Variants in AQR observed in about 807,000 individuals in gnomAD.
AQR encodes aquarius intron-binding spliceosomal factor.
A neutral mutation model predicts 180.5 loss-of-function variants in AQR; 61 were observed. That is an observed-to-expected ratio of 0.34 (90% CI 0.28 to 0.42). The LOEUF (loss-of-function observed/expected upper bound fraction) is 0.42, where lower values mean the gene tolerates loss of function less well. Ranked by LOEUF, AQR falls within the 10% of genes least tolerant of loss-of-function variation. The pLI is 1.00. For synonymous variants in AQR, 551 were observed against 588.8 expected (o/e 0.94, Z 0.93); for missense variants, 1,281 against 1,798.3 (o/e 0.71, Z 5.20).
intron 2 of AQR, among the ~76,000 whole-genome samples, chr15:34,963,551 C>A (rs967862193): frequency 6.6e-6 from 1 of 151,852 alleles, no homozygotes; most frequent in African/African-American, 2.4e-5. Context: ...ACAAAAATTT[C>A]TGTATATTTA....
chr15:34,940,804 C>T (rs1894011900), intron 8 of AQR, 95 bp downstream of exon 8: 11 of 877,064 alleles, frequency 1.3e-5, no homozygotes, highest in Non-Finnish European at 1.8e-5. Context: ...TTGCACTCAG[C>T]ACTATATAAA....
chr15:34,961,870 T>C (rs1428230409), intron 2 of AQR, among the ~76,000 whole-genome samples: 1 of 151,900 alleles, frequency 6.6e-6, no homozygotes, highest in Admixed American at 6.6e-5. Flanking sequence ...ATATAAACAA[T>C]TAGTACAAAT....
At chr15:34,873,119 G>A (rs935651091) in intron 30 of AQR, among the ~76,000 whole-genome samples, 6 of 151,850 alleles carry the variant, frequency 4.0e-5, no homozygotes, top group African/African-American at 1.5e-4. Flanking sequence ...ATGTAATAAT[G>A]CAATTAATCC....
chr15:34,863,134 G>A (rs1892695360), intron 32 of AQR, 93 bp from the exon 33 acceptor site: 2 of 1,170,176 alleles, frequency 1.7e-6, no homozygotes, highest in Admixed American at 2.8e-5. Context: ...AGATAGTCCT[G>A]TTAAGCCCTG....
At chr15:34,947,600 G>C (rs1894150517) in intron 5 of AQR, among the ~76,000 whole-genome samples, 1 of 149,888 alleles carries the variant, frequency 6.7e-6, no homozygotes, top group African/African-American at 2.5e-5. Context: ...TGTGAAAAAA[G>C]ACACTGAAAA....
intron 15 of AQR, among the ~76,000 whole-genome samples, chr15:34,918,032 A>G (rs1393751088): frequency 1.3e-5 from 2 of 152,040 alleles, no homozygotes; most frequent in East Asian, 1.9e-4. Flanking sequence ...TTATGGTCGT[A>G]TTTTTTACAG....
At position 34,879,849 on chromosome 15, in the gene AQR, A is replaced by T. The variant is rs568310892; in HGVS notation, c.3165+2653T>A. On this transcript the variant is annotated intron_variant, in intron 27 of 34. Transcript: ENST00000156471. ...AGTTAAGAGGGTGGGATCAGAAATG[A>T]GCACCACACAGAAAGTGGGAATTAT... Among the ~76,000 whole-genome samples the T allele has an allele frequency of 6.6e-5, 10 of 152,294 alleles. No homozygotes were observed. The South Asian group carries it at 1.7e-3, about 25-fold the overall frequency.
At chr15:34,953,665 C>T (rs190549389) in intron 3 of AQR, among the ~76,000 whole-genome samples, 1 of 152,322 alleles carries the variant, frequency 6.6e-6, no homozygotes, top group Non-Finnish European at 1.5e-5. Flanking sequence ...AGCCAAGATG[C>T]TAAGTGGATA....
At chr15:34,884,469 A>C (rs765461081) in intron 26 of AQR, 56 bp downstream of exon 26, 14 of 1,379,406 alleles carry the variant, frequency 1.0e-5, no homozygotes, top group Non-Finnish European at 1.4e-5. Flanking sequence ...TCAAAAAAAA[A>C]CTAAACTAAA....
chr15:34,924,097 T>G (rs1468941721), intron 13 of AQR, among the ~76,000 whole-genome samples: 1 of 152,198 alleles, frequency 6.6e-6, no homozygotes, highest in Non-Finnish European at 1.5e-5. Flanking sequence ...CTTCCTTACA[T>G]GGTTTCAGAT....
intron 25 of AQR, among the ~76,000 whole-genome samples, chr15:34,885,517 T>C (rs1045482535): frequency 2.0e-5 from 3 of 152,206 alleles, no homozygotes; most frequent in Non-Finnish European, 4.4e-5. Context: ...TTTCCTGATA[T>C]GATTCTTAAA....
chr15:34,904,918 T>C (rs1030863901), intron 18 of AQR, among the ~76,000 whole-genome samples: 4 of 151,992 alleles, frequency 2.6e-5, no homozygotes, highest in African/African-American at 7.3e-5. Flanking sequence ...ATTTAAGGCA[T>C]AGTTTTCTAT....
intron 34 of AQR, among the ~76,000 whole-genome samples, chr15:34,858,495 T>G (rs973052571): frequency 2.0e-5 from 3 of 152,158 alleles, no homozygotes; most frequent in Admixed American, 2.0e-4. Context: ...TGTGAAGATG[T>G]TAATCTCCCC....
At chr15:34,893,613 A>ACG (rs1566983819) in intron 23 of AQR, 50 bp downstream of exon 23, 36 of 831,486 alleles carry the variant, frequency 4.3e-5, no homozygotes, top group Admixed American at 7.5e-5. Context: ...GCGTGCACAC[A>ACG]CACACACACA....
At chr15:34,902,106 T>C (rs1274501449) in intron 19 of AQR, among the ~76,000 whole-genome samples, 1 of 152,102 alleles carries the variant, frequency 6.6e-6, no homozygotes, top group Non-Finnish European at 1.5e-5. Flanking sequence ...TGGAGGAAAG[T>C]GGCATTTTTA....
At chr15:34,861,089 A>G (rs540927574) in intron 33 of AQR, among the ~76,000 whole-genome samples, 2 of 152,362 alleles carry the variant, frequency 1.3e-5, no homozygotes, top group African/African-American at 4.8e-5. Context: ...GATAGGAACA[A>G]TTTAGAAAAT....
At chr15:34,918,568 C>G (rs1893632614) in intron 14 of AQR, among the ~76,000 whole-genome samples, 190 bp from the exon 15 acceptor site, 1 of 152,158 alleles carries the variant, frequency 6.6e-6, no homozygotes, top group Non-Finnish European at 1.5e-5. Flanking sequence ...TGGAATCAGA[C>G]AGACCTGAGT....
chr15:34,870,999 T>C, intron 30 of AQR, 77 bp from the exon 31 acceptor site: 1 of 1,439,218 alleles, frequency 6.9e-7, no homozygotes, highest in Non-Finnish European at 9.5e-7. Flanking sequence ...CTCATCTAGA[T>C]AAGCAAAACT....
chr15:34,873,908 A>G lies in AQR; in HGVS notation c.3517T>C (p.Leu1173=). ...LPEFSTANAG[L]LYDFQLINVE... ...TTAATGAGCTGGAAGTCATACAGTA[A>G]GCCAGCATTTGCTGTACTAAACTCT... is the stretch of plus-strand genomic sequence containing the variant. The change falls in exon 30 of 35, where the codon TTA becomes CTA. Residue 1173 remains leucine, a synonymous_variant. Transcript: ENST00000156471. 3 of 1,612,384 alleles carry G rather than the reference A, an allele frequency of 1.9e-6. No individual in the cohort carries two copies. The highest frequency in any genetic ancestry group is 2.5e-6 in the Non-Finnish European group (3 of 1,179,014).
Sources: allele counts gnomAD v4.1 joint callset (sites outside exome capture counted in the v4.1 genomes callset), GRCh38; gene constraint gnomAD v4.1.1; transcripts MANE v1.5; gene names NCBI Gene and HGNC (gene_info 2026-07-23, HGNC 2026-07-21).